Variants in DTNBP1 observed in about 807,000 individuals in gnomAD.
The protein encoded by DTNBP1 is dystrobrevin binding protein 1.
A neutral mutation model predicts 42.8 loss-of-function variants in DTNBP1; 35 were observed. The ratio of observed to expected loss-of-function variants is 0.82; its 90% CI spans 0.63 to 1.09. The LOEUF (loss-of-function observed/expected upper bound fraction) is 1.09. Among genes scored for constraint, DTNBP1 ranks in the 50% least tolerant of loss-of-function variants. The probability of loss-of-function intolerance (pLI) is 0.00; values close to 1 mark genes in which losing one functional copy is unlikely to be tolerated. For missense variants in DTNBP1, 457 were observed against 424.2 expected (o/e 1.08, Z -0.68); for synonymous variants, 171 against 162.2 (o/e 1.05, Z -0.41).
chr6:15,526,703 G>A (rs1261883672), intron 8 of DTNBP1, among the ~76,000 whole-genome samples: 2 of 152,176 alleles, frequency 1.3e-5, no homozygotes, highest in South Asian at 2.1e-4. Context: ...TTGGGGGCAC[G>A]CTTCTGAGGG....
intron 7 of DTNBP1, among the ~76,000 whole-genome samples, chr6:15,590,286 TTCAGG>T (rs112835129): frequency 0.045 from 6,811 of 152,292 alleles, 198 homozygotes; most frequent in African/African-American, 0.074. Context: ...AAACAGCTCT[TTCAGG>T]TCACCAATGA....
At chr6:15,578,287 G>A (rs1030651085) in intron 7 of DTNBP1, among the ~76,000 whole-genome samples, 2 of 152,230 alleles carry the variant, frequency 1.3e-5, no homozygotes, top group Non-Finnish European at 2.9e-5. Flanking sequence ...TCAGAGGAAA[G>A]CAATGAGGAA....
intron 8 of DTNBP1, among the ~76,000 whole-genome samples, chr6:15,529,816 G>A (rs1391388781): frequency 6.6e-6 from 1 of 152,274 alleles, no homozygotes; most frequent in African/African-American, 2.4e-5. Flanking sequence ...TCAGGCAGAA[G>A]ATCAAACCTG....
At chr6:15,534,339 G>A (rs1222752160) in intron 7 of DTNBP1, among the ~76,000 whole-genome samples, 1 of 152,156 alleles carries the variant, frequency 6.6e-6, no homozygotes, top group Admixed American at 6.5e-5. Flanking sequence ...AATTTTATGT[G>A]TACTTTACCA....
At chr6:15,524,258 G>T in intron 9 of DTNBP1, 2 of 1,598,242 alleles carry the variant, frequency 1.3e-6, no homozygotes, top group Non-Finnish European at 1.7e-6. Flanking sequence ...GGTGGTAAAG[G>T]AGGGAAAACA....
chr6:15,523,122 G>T lies in DTNBP1; in HGVS notation c.909C>A (p.Thr303=). 1 of 1,614,224 alleles carries T rather than the reference G, an allele frequency of 6.2e-7. No homozygotes were observed. The highest frequency in any genetic ancestry group is 8.5e-7 in the Non-Finnish European group (1 of 1,180,038). Residue 303 remains threonine (T), a synonymous_variant, in exon 10 of 10, where the codon ACC becomes ACA. Coordinates refer to ENST00000344537, the MANE Select transcript of DTNBP1 (RefSeq NM_032122.5). The part of the protein sequence containing the change: ...AKPPSSSSTC[T]DSATRDISEG... The stretch of plus-strand genomic sequence containing the variant: ...CACTGATGTCCCGGGTGGCCGAGTC[G>T]GTGCAGGTGGAGGAAGAAGAAGGTG...
chr6:15,619,466 C>T (rs560051475), intron 5 of DTNBP1, among the ~76,000 whole-genome samples: 2 of 152,164 alleles, frequency 1.3e-5, no homozygotes, highest in East Asian at 3.9e-4. Flanking sequence ...CAAAATATTA[C>T]AAAGTACTCA....
At chr6:15,619,628 T>G (rs1758925003) in intron 5 of DTNBP1, among the ~76,000 whole-genome samples, 1 of 152,084 alleles carries the variant, frequency 6.6e-6, no homozygotes, top group Admixed American at 6.5e-5. Context: ...GTCTCCTGAA[T>G]GAGACCTTGG....
intron 7 of DTNBP1, among the ~76,000 whole-genome samples, chr6:15,566,829 T>C (rs1178691136): frequency 6.6e-6 from 1 of 151,580 alleles, no homozygotes; most frequent in African/African-American, 2.4e-5. Context: ...GCCTCCTGAG[T>C]AGCTGGGATT....
chr6:15,533,533 G>A (rs999303527), intron 7 of DTNBP1, 138 bp from the exon 8 acceptor site: 19 of 1,402,866 alleles, frequency 1.4e-5, no homozygotes, highest in Admixed American at 5.1e-5. Flanking sequence ...CCCCGACTGC[G>A]TGTACAGCTG....
intron 7 of DTNBP1, among the ~76,000 whole-genome samples, chr6:15,579,136 G>T (rs1775710029): frequency 6.6e-6 from 1 of 152,138 alleles, no homozygotes; most frequent in African/African-American, 2.4e-5. Flanking sequence ...CCAAGATATG[G>T]AATCAACTAA....
chr6:15,588,266 A>T (rs1173184798), intron 7 of DTNBP1, among the ~76,000 whole-genome samples: 5 of 152,168 alleles, frequency 3.3e-5, no homozygotes, highest in Admixed American at 3.3e-4. Flanking sequence ...TTCCCAACTG[A>T]TCTTTTTTAG....
intron 6 of DTNBP1, among the ~76,000 whole-genome samples, chr6:15,604,221 G>A (rs1017963312): frequency 3.3e-5 from 5 of 152,138 alleles, no homozygotes; most frequent in African/African-American, 1.2e-4. Flanking sequence ...ATTGTTTCGG[G>A]GGAGAGAATA....
At chr6:15,591,764 C>T (rs997003057) in intron 7 of DTNBP1, among the ~76,000 whole-genome samples, 4 of 152,118 alleles carry the variant, frequency 2.6e-5, no homozygotes, top group Admixed American at 6.5e-5. Flanking sequence ...TGTGTCCCTG[C>T]CCTGTCTTTT....
chr6:15,626,867 G>A (rs1224409263), intron 5 of DTNBP1, among the ~76,000 whole-genome samples: 2 of 152,052 alleles, frequency 1.3e-5, no homozygotes, highest in Non-Finnish European at 2.9e-5. Context: ...CTGCAGGCAC[G>A]TGCCACCACA....
chr6:15,533,117 G>T, intron 8 of DTNBP1, 123 bp downstream of exon 8: 1 of 1,477,578 alleles, frequency 6.8e-7, no homozygotes, highest in Non-Finnish European at 9.2e-7. Context: ...TTGGTTGCTG[G>T]GGTCTCATAA....
At chr6:15,660,524 G>A in intron 1 of DTNBP1, 2 of 1,289,734 alleles carry the variant, frequency 1.6e-6, no homozygotes, top group Non-Finnish European at 2.0e-6. Flanking sequence ...AAAGTGACCT[G>A]TACAGGAGAA....
chr6:15,579,700 G>A (rs1236221761), intron 7 of DTNBP1: 1 of 271,650 alleles, frequency 3.7e-6, no homozygotes, highest in African/African-American at 2.2e-5. Context: ...AGCTATTTGG[G>A]AGGCTAAGGC....
intron 3 of DTNBP1, among the ~76,000 whole-genome samples, chr6:15,639,778 AAAT>A (rs1760232162): frequency 6.6e-6 from 1 of 152,266 alleles, no homozygotes; most frequent in African/African-American, 2.4e-5. Flanking sequence ...GAGACACATT[AAAT>A]GTCTGTTGAG....
Sources: allele counts gnomAD v4.1 joint callset (sites outside exome capture counted in the v4.1 genomes callset), GRCh38; gene constraint gnomAD v4.1.1; transcripts MANE v1.5; gene names NCBI Gene and HGNC (gene_info 2026-07-23, HGNC 2026-07-21).